The following CSMD3 variants were observed in gnomAD, a reference collection of about 807,000 sequenced individuals.
CSMD3 encodes CUB and sushi domain-containing protein 3.
CSMD3 carries 177 observed loss-of-function variants against 435.2 expected under a neutral mutation model. That is an observed-to-expected ratio of 0.41 (90% CI 0.36 to 0.46). The LOEUF is 0.46. CSMD3 is among the 20% of genes least tolerant of loss of function. The pLI, the probability that CSMD3 is intolerant of heterozygous loss-of-function variation, is 0.34. For synonymous variants in CSMD3, 1,656 were observed against 1,520.5 expected (o/e 1.09, Z -2.07); for missense variants, 4,265 against 4,504.6 (o/e 0.95, Z 1.52).
chr8:112,631,093 G>T (rs911432265), intron 22 of CSMD3, among the ~76,000 whole-genome samples: 7 of 151,192 alleles, frequency 4.6e-5, no homozygotes, highest in Middle Eastern at 3.4e-3. Flanking sequence ...AATAGGTAAA[G>T]GATCCTTTCT....
chr8:112,959,493 T>A (rs1211020722), intron 7 of CSMD3, among the ~76,000 whole-genome samples: 1 of 151,954 alleles, frequency 6.6e-6, no homozygotes, highest in African/African-American at 2.4e-5. Flanking sequence ...TAAGTTCTTA[T>A]GAACAAGTAA....
At chr8:112,996,349 G>A (rs1321320794) in intron 6 of CSMD3, among the ~76,000 whole-genome samples, 2 of 151,560 alleles carry the variant, frequency 1.3e-5, no homozygotes, top group Non-Finnish European at 3.0e-5. Context: ...AGATAATGAA[G>A]TATTTGCCTT....
chr8:112,912,753 A>C (rs918865973), intron 10 of CSMD3, among the ~76,000 whole-genome samples: 8 of 152,048 alleles, frequency 5.3e-5, no homozygotes, highest in African/African-American at 1.9e-4. Context: ...ACGGCAAAGG[A>C]AGCAATCAAC....
chr8:112,370,026 A>AGAAGAAGAG (rs1828199199), intron 38 of CSMD3, among the ~76,000 whole-genome samples: 1 of 49,400 alleles, frequency 2.0e-5, no homozygotes, highest in East Asian at 6.6e-4. Context: ...AAGAAGAGGA[A>AGAAGAAGAG]GAAGAAGAAG....
In CSMD3 at chr8:112,260,015, G is replaced by A. The variant is rs183489573; in HGVS notation, c.9862+3624C>T. Among the ~76,000 whole-genome samples the A allele has an allele frequency of 1.8e-3, 274 of 152,104 alleles. 1 individual carries two copies. The highest frequency in any genetic ancestry group is 6.3e-3 in the African/African-American group (262 of 41,476). Reference sequence around the variant, plus strand: ...TGTGTCATTCCATCTATTTCTATCCGTGAATTTTCATGTATAAACCAAACA... The same window carrying A: ...TGTGTCATTCCATCTATTTCTATCCATGAATTTTCATGTATAAACCAAACA... On this transcript the variant is annotated intron_variant, in intron 61 of 70. Coordinates refer to ENST00000297405, the MANE Select transcript of CSMD3 (RefSeq NM_198123.2).
intron 23 of CSMD3, among the ~76,000 whole-genome samples, chr8:112,578,952 T>G (rs956193693): frequency 4.6e-5 from 7 of 152,074 alleles, no homozygotes; most frequent in African/African-American, 1.7e-4. Flanking sequence ...ATATACAATA[T>G]TCATGACCAT....
intron 31 of CSMD3, among the ~76,000 whole-genome samples, chr8:112,482,320 G>T (rs1401244763): frequency 6.6e-6 from 1 of 152,122 alleles, no homozygotes; most frequent in African/African-American, 2.4e-5. Flanking sequence ...GTTTTGGAGG[G>T]CATAGACAGT....
At chr8:113,401,101 A>G (rs1409119542) in intron 1 of CSMD3, among the ~76,000 whole-genome samples, 2 of 151,792 alleles carry the variant, frequency 1.3e-5, no homozygotes, top group African/African-American at 4.8e-5. Context: ...ATACATACAA[A>G]CATCCTGACA....
chr8:113,425,469 ATAGG>A (rs2094630745), intron 1 of CSMD3, among the ~76,000 whole-genome samples: 2 of 151,316 alleles, frequency 1.3e-5, no homozygotes, highest in African/African-American at 4.8e-5. Flanking sequence ...GATGGGGAAA[ATAGG>A]TAGTAATCTT....
At chr8:112,825,899 C>T (rs893232146) in intron 12 of CSMD3, among the ~76,000 whole-genome samples, 1 of 152,130 alleles carries the variant, frequency 6.6e-6, no homozygotes, top group African/African-American at 2.4e-5. Context: ...GAAAATCACT[C>T]GTCTGGTCTG....
Position 112,370,035 on chromosome 8 carries a change from A to AGAAGAGGAAGAAGAG in CSMD3, c.6136+10316_6136+10317insCTCTTCTTCCTCTTC, listed in dbSNP as rs1563852453. Among the ~76,000 whole-genome samples the AGAAGAGGAAGAAGAG allele has an allele frequency of 2.1e-4, 19 of 92,530 alleles. 1 individual carries two copies. The highest frequency in any genetic ancestry group is 3.5e-4 in the Non-Finnish European group (15 of 43,050). 60.7% of individuals were successfully genotyped at this position (92,530 alleles called of 152,430 possible). On this transcript the variant is annotated intron_variant, in intron 38 of 70. Transcript: ENST00000297405. ...AGGAAGAAGAAGAGGAAGAAGAAGA[A>AGAAGAGGAAGAAGAG]GAAGAAGAAGAAGAAGAAGAAGAAG... is the stretch of plus-strand genomic sequence containing the variant.
chr8:113,268,554 C>T (rs1215327160), intron 3 of CSMD3, among the ~76,000 whole-genome samples: 1 of 151,640 alleles, frequency 6.6e-6, no homozygotes, highest in Non-Finnish European at 1.5e-5. Flanking sequence ...TTCACAGATT[C>T]GACTGCAAGA....
intron 4 of CSMD3, among the ~76,000 whole-genome samples, chr8:113,154,871 A>C (rs1389703689): frequency 6.6e-6 from 1 of 151,962 alleles, no homozygotes; most frequent in Admixed American, 6.6e-5. Context: ...ATAACTGTTA[A>C]GCTCCCGAAC....
intron 1 of CSMD3, among the ~76,000 whole-genome samples, chr8:113,374,296 T>TA (rs2094364909): frequency 6.6e-6 from 1 of 152,056 alleles, no homozygotes; most frequent in African/African-American, 2.4e-5. Flanking sequence ...AGATTTAAAA[T>TA]AAAAATTTTA....
chr8:112,703,457 T>G (rs2076433277), intron 13 of CSMD3, among the ~76,000 whole-genome samples: 1 of 152,180 alleles, frequency 6.6e-6, no homozygotes, highest in African/African-American at 2.4e-5. Context: ...CAACACTTTT[T>G]AAAGTGACCA....
At chr8:112,368,377 G>A (rs950225534) in intron 38 of CSMD3, among the ~76,000 whole-genome samples, 7 of 152,134 alleles carry the variant, frequency 4.6e-5, no homozygotes, top group African/African-American at 1.7e-4. Flanking sequence ...AAACTGACTT[G>A]ACATTCTGGG....
At chr8:113,422,566 G>C (rs1055912658) in intron 1 of CSMD3, among the ~76,000 whole-genome samples, 1 of 152,102 alleles carries the variant, frequency 6.6e-6, no homozygotes, top group Non-Finnish European at 1.5e-5. Context: ...TCATGGAAAG[G>C]TAGTACCATG....
chr8:112,449,246 G>A (rs1384070283), intron 32 of CSMD3, among the ~76,000 whole-genome samples: 1 of 152,086 alleles, frequency 6.6e-6, no homozygotes, highest in African/African-American at 2.4e-5. Context: ...ATATTTTGAG[G>A]TAATTCATGA....
intron 38 of CSMD3, among the ~76,000 whole-genome samples, chr8:112,362,975 T>C (rs1468615507): frequency 2.0e-5 from 3 of 151,892 alleles, no homozygotes; most frequent in African/African-American, 4.8e-5. Flanking sequence ...GAAGCTGAAA[T>C]GGAAGGCAGA....
Sources: gnomAD v4.1 joint callset for allele counts (sites outside exome capture counted in the v4.1 genomes callset) on GRCh38, gnomAD v4.1.1 for gene constraint, MANE v1.5 for transcripts, NCBI Gene and HGNC (gene_info 2026-07-23, HGNC 2026-07-21) for gene names.